Variants in NKAIN3 observed in about 807,000 individuals in gnomAD.
NKAIN3 encodes the protein sodium/potassium transporting ATPase interacting 3, also known as sodium/potassium-transporting ATPase subunit beta-1-interacting protein 3.
In NKAIN3, 25 loss-of-function variants were observed where a neutral mutation model predicts 30.2. That is an observed-to-expected ratio of 0.83 (90% CI 0.60 to 1.16). The LOEUF (loss-of-function observed/expected upper bound fraction) is 1.16. Ranked by LOEUF, NKAIN3 falls within the 50% of genes most tolerant of loss-of-function variation. NKAIN3 has a pLI of 0.00. For synonymous variants in NKAIN3, 91 were observed against 89.6 expected (o/e 1.02, Z -0.09); for missense variants, 225 against 254.1 (o/e 0.89, Z 0.78).
At chr8:62,713,063 C>G (rs1483716603) in intron 3 of NKAIN3, among the ~76,000 whole-genome samples, 1 of 152,140 alleles carries the variant, frequency 6.6e-6, no homozygotes, top group Non-Finnish European at 1.5e-5. Context: ...AGTGGGGGCA[C>G]TCACAGTATT....
At chr8:62,631,428 G>A (rs1811956389) in intron 3 of NKAIN3, among the ~76,000 whole-genome samples, 1 of 152,040 alleles carries the variant, frequency 6.6e-6, no homozygotes, top group Non-Finnish European at 1.5e-5. Context: ...CCTCCCTACT[G>A]TCTATATCCA....
At chr8:62,785,586 A>G (rs764350514) in intron 4 of NKAIN3, among the ~76,000 whole-genome samples, 22 of 152,174 alleles carry the variant, frequency 1.4e-4, no homozygotes, top group Non-Finnish European at 2.8e-4. Context: ...ATTGTATGCT[A>G]TGTGAATATA....
chr8:62,283,305 T>C (rs1019516343), intron 1 of NKAIN3, among the ~76,000 whole-genome samples: 7 of 152,124 alleles, frequency 4.6e-5, no homozygotes, highest in Admixed American at 6.6e-5. Context: ...TTTCTAAATA[T>C]ATTTGTGTCA....
intron 6 of NKAIN3, 35 bp from the exon 7 acceptor site, chr8:62,965,319 A>G (rs1243587521): frequency 5.1e-6 from 5 of 985,748 alleles, no homozygotes; most frequent in African/African-American, 1.7e-5. Context: ...GTCAGCTTTG[A>G]AGTTCTTGAA....
chr8:62,854,073 A>G (rs543964110), intron 4 of NKAIN3, among the ~76,000 whole-genome samples: 1 of 152,288 alleles, frequency 6.6e-6, no homozygotes, highest in African/African-American at 2.4e-5. Context: ...ATGATTTGTT[A>G]GGATTTCAGC....
In NKAIN3 at chr8:62,847,794, A is replaced by AC. The variant is rs35516763; in HGVS notation, c.472-70659_472-70658insC. Reference sequence around the variant, plus strand: ...AATGGCATTGCTTAGGTTTTCTTCTAGGTTTTTATAGTTTTGGGGATTACA... The same window carrying AC: ...AATGGCATTGCTTAGGTTTTCTTCTACGGTTTTTATAGTTTTGGGGATTACA... On this transcript the variant is annotated intron_variant, in intron 4 of 6. Transcript: ENST00000623646. Among the ~76,000 whole-genome samples the AC allele has an allele frequency of 2.6e-4, 39 of 152,048 alleles. 1 individual carries two copies. In the South Asian group the frequency reaches 8.1e-3, roughly 31 times the overall value.
In NKAIN3 at chr8:62,661,716, C is replaced by G. The variant is rs957870273; in HGVS notation, c.273+71922C>G. 2.6e-5 allele frequency among the ~76,000 whole-genome samples: 4 copies of G among 152,132 alleles called. No individual in the cohort carries two copies. The East Asian group carries it at 7.7e-4, about 29-fold the overall frequency. Reference sequence around the variant, plus strand: ...CATGTCTCATATAAGGGCTTGGGCTCGTGTCCCCTGCACTACCTCTTTGGT... The same window carrying G: ...CATGTCTCATATAAGGGCTTGGGCTGGTGTCCCCTGCACTACCTCTTTGGT... On this transcript the variant is annotated intron_variant, in intron 3 of 6. Transcript: ENST00000623646.
rs1189268925 is a variant in NKAIN3 at position 62,636,771 on chromosome 8, A to G, written c.273+46977A>G. Among the ~76,000 whole-genome samples, 3 of 152,208 alleles carry G rather than the reference A, an allele frequency of 2.0e-5. No individual in the cohort carries two copies. In the East Asian group the frequency reaches 5.8e-4, roughly 29 times the overall value. ...AACAACAAAAAATCATGTCACTGGT[A>G]TACAGTTTGCTACAAAACTTAGAAA... On this transcript the variant is annotated intron_variant, in intron 3 of 6. Coordinates refer to ENST00000623646, the MANE Select transcript of NKAIN3 (RefSeq NM_001304533.3).
In NKAIN3 at chr8:62,248,966, C is replaced by A; in HGVS notation, c.-108C>A. ...GAGCCGCGAGCGGCGGCCGCGGGGCCGAGGAGCCTGGGCCGGGCCGGGCGG... is the reference window on the plus strand; with the variant it reads ...GAGCCGCGAGCGGCGGCCGCGGGGCAGAGGAGCCTGGGCCGGGCCGGGCGG... On this transcript the variant is annotated 5_prime_UTR_variant, in exon 1 of 7. Coordinates refer to ENST00000623646, the MANE Select transcript of NKAIN3 (RefSeq NM_001304533.3). The A allele has an allele frequency of 2.9e-6, 3 of 1,043,828 alleles. No homozygotes were observed. The highest frequency in any genetic ancestry group is 3.3e-5 in the African/African-American group (2 of 60,236). The allele number at this position is 1,043,828 out of a possible 1,614,324, so 64.7% of individuals were successfully genotyped here. A position where few individuals can be genotyped will look rare whatever the true frequency, so the allele number is the denominator to read the frequency against.
chr8:62,846,949 G>A (rs905235718), intron 4 of NKAIN3, among the ~76,000 whole-genome samples: 20 of 152,088 alleles, frequency 1.3e-4, no homozygotes, highest in Non-Finnish European at 5.9e-5. Context: ...ATAAAATCTT[G>A]TGAGACTTAT....
intron 1 of NKAIN3, among the ~76,000 whole-genome samples, chr8:62,576,958 T>C (rs1039842289): frequency 6.6e-6 from 1 of 152,094 alleles, no homozygotes; most frequent in Non-Finnish European, 1.5e-5. Flanking sequence ...AGAGAGAAAA[T>C]ATTAGCCAGT....
In NKAIN3 at chr8:62,507,629, C is replaced by T. The variant is rs576466440; in HGVS notation, c.55-71910C>T. On this transcript the variant is annotated intron_variant, in intron 1 of 6. Coordinates refer to ENST00000623646, the MANE Select transcript of NKAIN3 (RefSeq NM_001304533.3). ...CACAAAGCTGCCATCATTTCTTTCT[C>T]TCTCTCTTTGTAAAAAAAATGGTAT... 2.0e-5 allele frequency among the ~76,000 whole-genome samples: 3 copies of T among 152,292 alleles called. No homozygotes were observed. The South Asian group carries it at 6.2e-4, about 32-fold the overall frequency.
At chr8:62,801,990 G>A (rs1340070565) in intron 4 of NKAIN3, among the ~76,000 whole-genome samples, 1 of 152,200 alleles carries the variant, frequency 6.6e-6, no homozygotes, top group Non-Finnish European at 1.5e-5. Context: ...CTCAGGAGCT[G>A]ATGTGATCAA....
chr8:62,279,750 A>T (rs941109706), intron 1 of NKAIN3, among the ~76,000 whole-genome samples: 1 of 152,214 alleles, frequency 6.6e-6, no homozygotes, highest in Non-Finnish European at 1.5e-5. Flanking sequence ...TTTTGGTACC[A>T]GTACCATGCT....
intron 4 of NKAIN3, among the ~76,000 whole-genome samples, chr8:62,881,924 T>C (rs1820996089): frequency 6.6e-6 from 1 of 152,166 alleles, no homozygotes; most frequent in South Asian, 2.1e-4. Flanking sequence ...GTTGTCAGCG[T>C]TTTTGGAATT....
chr8:62,666,096 C>A (rs145084970), intron 3 of NKAIN3, among the ~76,000 whole-genome samples: 2,543 of 152,120 alleles, frequency 0.017, 29 homozygotes, highest in Middle Eastern at 0.038. Flanking sequence ...CGCCTGTAAT[C>A]CCAGCTACTC....
At position 62,382,791 on chromosome 8, in the gene NKAIN3, T is replaced by C. The variant is rs377275238; in HGVS notation, c.54+133664T>C. Among the ~76,000 whole-genome samples the C allele has an allele frequency of 1.6e-4, 25 of 152,298 alleles. No homozygotes were observed. In the East Asian group the frequency reaches 4.2e-3, roughly 26 times the overall value. ...AGCTCTTTAATTTCTCCGATATCTATATTTTGAAACCCTTCACGCTCCACC... is the reference window on the plus strand; with the variant it reads ...AGCTCTTTAATTTCTCCGATATCTACATTTTGAAACCCTTCACGCTCCACC... On this transcript the variant is annotated intron_variant, in intron 1 of 6. Transcript: ENST00000623646.
intron 1 of NKAIN3, among the ~76,000 whole-genome samples, chr8:62,509,502 G>T (rs559121463): frequency 6.6e-6 from 1 of 152,160 alleles, no homozygotes; most frequent in East Asian, 1.9e-4. Context: ...CTTGGGTTTT[G>T]TATTTCTAAT....
At chr8:62,342,938 G>A (rs7843375) in intron 1 of NKAIN3, among the ~76,000 whole-genome samples, 5,966 of 152,076 alleles carry the variant, frequency 0.039, 425 homozygotes, top group African/African-American at 0.14. Flanking sequence ...TTTGGGGGAG[G>A]AACTGGGAAT....
Sources: gnomAD v4.1 joint callset for allele counts (sites outside exome capture counted in the v4.1 genomes callset) on GRCh38, gnomAD v4.1.1 for gene constraint, MANE v1.5 for transcripts, NCBI Gene and HGNC (gene_info 2026-07-23, HGNC 2026-07-21) for gene names.